The following ZC3H6 variants were observed in gnomAD, a reference collection of about 807,000 sequenced individuals.
ZC3H6 encodes the protein zinc finger CCCH-type containing 6.
A neutral mutation model predicts 107.7 loss-of-function variants in ZC3H6; 40 were observed. That is an observed-to-expected ratio of 0.37 (90% CI 0.29 to 0.48). The LOEUF (loss-of-function observed/expected upper bound fraction) is 0.48. ZC3H6 is among the 20% of genes least tolerant of loss of function. ZC3H6 has a pLI of 0.98. For synonymous variants in ZC3H6, 493 were observed against 487.9 expected (o/e 1.01, Z -0.14); for missense variants, 1,267 against 1,410.4 (o/e 0.90, Z 1.63).
At chr2:112,314,451 A>G (rs763041875) in intron 5 of ZC3H6, among the ~76,000 whole-genome samples, 2 of 152,318 alleles carry the variant, frequency 1.3e-5, no homozygotes, top group Non-Finnish European at 2.9e-5. Flanking sequence ...AAAACAAAAC[A>G]CTTCCTCACC....
At chr2:112,287,903 T>C (rs1686637724) in intron 1 of ZC3H6, among the ~76,000 whole-genome samples, 1 of 151,950 alleles carries the variant, frequency 6.6e-6, no homozygotes, top group African/African-American at 2.4e-5. Flanking sequence ...CCCCCGGCCG[T>C]TGGAAACATT....
chr2:112,335,663 G>T lies in ZC3H6; in HGVS notation c.*3175G>T, dbSNP rs998476046. The stretch of plus-strand genomic sequence containing the variant: ...ACATAATCATTATGCTCCCATTAGG[G>T]TGCATTAAGTTGTACAAATTCCAAA... On this transcript the variant is annotated 3_prime_UTR_variant, in exon 12 of 12. Transcript: ENST00000409871. 1.3e-5 allele frequency: 2 copies of T among 152,016 alleles called. No homozygotes were observed. The highest frequency in any genetic ancestry group is 4.8e-5 in the African/African-American group (2 of 41,398). 9.4% of individuals were successfully genotyped at this position (152,016 alleles called of 1,614,324 possible). A position where few individuals can be genotyped will look rare whatever the true frequency, so the allele number is the denominator to read the frequency against.
chr2:112,312,746 G>A (rs950847890), intron 5 of ZC3H6, among the ~76,000 whole-genome samples: 6 of 152,084 alleles, frequency 3.9e-5, no homozygotes, highest in Non-Finnish European at 7.4e-5. Context: ...TGTAGTCCCA[G>A]CTACTCGGGA....
At chr2:112,289,135 C>A (rs1676035528) in intron 1 of ZC3H6, among the ~76,000 whole-genome samples, 1 of 151,314 alleles carries the variant, frequency 6.6e-6, no homozygotes, top group Non-Finnish European at 1.5e-5. Context: ...CGGCTCACTG[C>A]AACCTCTACC....
In ZC3H6 at chr2:112,276,036, C is replaced by A; in HGVS notation, c.32+10C>A. ...ATGCAGGGCACGACAGGTCGGGAAC[C>A]CTTCTTGTCTGTCTTTCTGTCGGAT... On this transcript the variant is annotated intron_variant, in intron 1 of 11. Transcript: ENST00000409871. 3 of 1,541,138 alleles carry A rather than the reference C, an allele frequency of 1.9e-6. No individual in the cohort carries two copies. Among genetic ancestry groups the A allele is most frequent in the Admixed American group, 4.0e-5 (2 of 50,130 alleles).
chr2:112,322,972 T>C, intron 9 of ZC3H6, 70 bp downstream of exon 9: 2 of 1,440,618 alleles, frequency 1.4e-6, no homozygotes, highest in Non-Finnish European at 1.9e-6. Flanking sequence ...AACTAAGTCA[T>C]ACTCCAAGCT....
chr2:112,285,023 A>G (rs1336653091), intron 1 of ZC3H6, among the ~76,000 whole-genome samples: 3 of 152,322 alleles, frequency 2.0e-5, no homozygotes, highest in South Asian at 2.1e-4. Flanking sequence ...ACTGAATGCA[A>G]TTGAAATTAT....
intron 1 of ZC3H6, 116 bp downstream of exon 1, chr2:112,276,142 T>C: frequency 2.2e-6 from 2 of 892,362 alleles, no homozygotes; most frequent in South Asian, 1.8e-5. Context: ...TGTGGCTCCG[T>C]CAGTTCCATG....
Position 112,311,834 on chromosome 2 carries a change from T to C in ZC3H6, c.644T>C (p.Val215Ala). 1.2e-6 allele frequency: 2 copies of C among 1,613,070 alleles called. No individual in the cohort carries two copies. The highest frequency in any genetic ancestry group is 1.1e-5 in the South Asian group (1 of 90,886). ...GIEQRVKSFN[V>A]GRGRGLPKKI... ...GAACAGAGAGTTAAAAGTTTTAATG[T>C]TGGTCGTGGACGTGGCTTGCCGAAG... is the stretch of plus-strand genomic sequence containing the variant. The change falls in exon 5 of 12, where the codon GTT becomes GCT. Residue 215 changes from valine to alanine, a missense_variant. Physicochemically the swap from Val to Ala is moderately conservative, Grantham distance 64 (BLOSUM62 0). Coordinates refer to ENST00000409871, the MANE Select transcript of ZC3H6 (RefSeq NM_198581.3).
intron 5 of ZC3H6, among the ~76,000 whole-genome samples, chr2:112,315,930 A>G (rs1676688009): frequency 1.3e-5 from 2 of 152,200 alleles, no homozygotes; most frequent in South Asian, 2.1e-4. Context: ...TAATGACTGC[A>G]TAATATTCTA....
Position 112,339,366 on chromosome 2 carries a change from C to G in ZC3H6, c.*6878C>G, listed in dbSNP as rs1372981834. 3 of 152,098 alleles carry G rather than the reference C, an allele frequency of 2.0e-5. No homozygotes were observed. The highest frequency in any genetic ancestry group is 4.4e-5 in the Non-Finnish European group (3 of 68,020). 9.4% of individuals were successfully genotyped at this position (152,098 alleles called of 1,614,324 possible). A position where few individuals can be genotyped will look rare whatever the true frequency, so the allele number is the denominator to read the frequency against. ...TCTTTTCAAGGGTAGAATGATATTT[C>G]CTTATAAAAGTGACAATCAAAAAAG... On this transcript the variant is annotated 3_prime_UTR_variant, in exon 12 of 12. Transcript: ENST00000409871.
intron 1 of ZC3H6, among the ~76,000 whole-genome samples, chr2:112,293,872 G>A (rs886129184): frequency 1.3e-5 from 2 of 152,168 alleles, no homozygotes; most frequent in African/African-American, 4.8e-5. Context: ...TCCCTCATCC[G>A]CAGGGTAACA....
intron 7 of ZC3H6, among the ~76,000 whole-genome samples, chr2:112,319,956 G>A (rs1676769852): frequency 6.6e-6 from 1 of 152,072 alleles, no homozygotes; most frequent in African/African-American, 2.4e-5. Flanking sequence ...TTGTGAGACG[G>A]AGTTTCACTT....
chr2:112,287,837 C>T (rs1159806959), intron 1 of ZC3H6, among the ~76,000 whole-genome samples: 3 of 152,254 alleles, frequency 2.0e-5, no homozygotes, highest in Non-Finnish European at 4.4e-5. Context: ...CTCCTGACCT[C>T]GTGATCCGCC....
intron 1 of ZC3H6, among the ~76,000 whole-genome samples, chr2:112,290,301 C>G (rs1676086513): frequency 1.3e-5 from 2 of 152,246 alleles, no homozygotes; most frequent in Non-Finnish European, 2.9e-5. Flanking sequence ...CTGTTCTGCA[C>G]AGAAGTTTTG....
At chr2:112,288,209 T>TG (rs1272519044) in intron 1 of ZC3H6, among the ~76,000 whole-genome samples, 8 of 116,226 alleles carry the variant, frequency 6.9e-5, no homozygotes, top group Non-Finnish European at 1.7e-4. Context: ...TTCCTTTCAT[T>TG]TTTTTTTTTT....
intron 5 of ZC3H6, among the ~76,000 whole-genome samples, chr2:112,313,192 AT>A (rs1342645577): frequency 6.6e-6 from 1 of 151,424 alleles, no homozygotes; most frequent in Non-Finnish European, 1.5e-5. Flanking sequence ...ACTACAAACT[AT>A]TTTTTTCCCT....
chr2:112,320,435 A>G (rs1676780426), intron 7 of ZC3H6, among the ~76,000 whole-genome samples: 1 of 152,148 alleles, frequency 6.6e-6, no homozygotes, highest in African/African-American at 2.4e-5. Context: ...ATTTGTACAC[A>G]GTTCTGCTTC....
chr2:112,321,980 A>G (rs1459572166), intron 8 of ZC3H6, 115 bp downstream of exon 8: 1 of 499,650 alleles, frequency 2.0e-6, no homozygotes, highest in Non-Finnish European at 3.5e-6. Flanking sequence ...TTACTATTTT[A>G]TATTTTATTC....
Sources: gnomAD v4.1 joint callset for allele counts (sites outside exome capture counted in the v4.1 genomes callset) on GRCh38, gnomAD v4.1.1 for gene constraint, MANE v1.5 for transcripts, NCBI Gene and HGNC (gene_info 2026-07-23, HGNC 2026-07-21) for gene names.